Variants in PIK3AP1 observed in about 807,000 individuals in gnomAD.
PIK3AP1 encodes phosphoinositide-3-kinase adaptor protein 1.
In PIK3AP1, 21 loss-of-function variants were observed where a neutral mutation model predicts 88.1. The ratio of observed to expected loss-of-function variants is 0.24; its 90% CI spans 0.17 to 0.34. PIK3AP1 has a LOEUF of 0.34. Among genes scored for constraint, PIK3AP1 ranks in the 10% least tolerant of loss-of-function variants. The pLI is 1.00. For synonymous variants in PIK3AP1, 398 were observed against 400.0 expected (o/e 1.00, Z 0.06); for missense variants, 828 against 1,035.7 (o/e 0.80, Z 2.75).
chr10:96,688,186 C>A (rs1423060921), intron 2 of PIK3AP1, among the ~76,000 whole-genome samples: 1 of 152,126 alleles, frequency 6.6e-6, no homozygotes, highest in Admixed American at 6.5e-5. Context: ...CACTTCAGGG[C>A]CTTTTGCTCC....
intron 1 of PIK3AP1, among the ~76,000 whole-genome samples, chr10:96,717,036 C>T (rs989429199): frequency 6.6e-6 from 1 of 151,932 alleles, no homozygotes; most frequent in Non-Finnish European, 1.5e-5. Context: ...CTAAGGAGGG[C>T]AGATCACTTG....
At chr10:96,688,987 C>A (rs1205329290) in intron 2 of PIK3AP1, among the ~76,000 whole-genome samples, 1 of 152,074 alleles carries the variant, frequency 6.6e-6, no homozygotes, top group Admixed American at 6.5e-5. Flanking sequence ...GGACCATTTC[C>A]ATAGTTTCTC....
intron 2 of PIK3AP1, among the ~76,000 whole-genome samples, chr10:96,687,826 C>T (rs1844095425): frequency 6.6e-6 from 1 of 152,214 alleles, no homozygotes; most frequent in African/African-American, 2.4e-5. Context: ...CACCACTGCT[C>T]TTCCTTCCTC....
At chr10:96,680,422 A>G (rs143886905) in intron 2 of PIK3AP1, among the ~76,000 whole-genome samples, 1 of 152,166 alleles carries the variant, frequency 6.6e-6, no homozygotes, top group African/African-American at 2.4e-5. Flanking sequence ...TAAGCCTAGT[A>G]TCCAATAGTT....
At chr10:96,661,000 C>G (rs1843678505) in intron 2 of PIK3AP1, among the ~76,000 whole-genome samples, 1 of 152,150 alleles carries the variant, frequency 6.6e-6, no homozygotes, top group Non-Finnish European at 1.5e-5. Flanking sequence ...GCCTGGCCAA[C>G]ATGGTGAAAC....
rs184812126 is a variant in PIK3AP1 at position 96,666,343 on chromosome 10, T to C, written c.431-9409A>G. ...CTGAGGCAGGAGAATGGCGTGAACC[T>C]GGGAGGCGGAGCTTGCAGTGAGCCG... On this transcript the variant is annotated intron_variant, in intron 2 of 16. Transcript: ENST00000339364. Among the ~76,000 whole-genome samples the C allele has an allele frequency of 3.2e-3, 492 of 152,056 alleles. 8 individuals carry two copies. The highest frequency in any genetic ancestry group is 0.029 in the Admixed American group (450 of 15,264).
At chr10:96,625,371 T>C (rs1026382454) in intron 10 of PIK3AP1, among the ~76,000 whole-genome samples, 6 of 152,146 alleles carry the variant, frequency 3.9e-5, no homozygotes, top group Non-Finnish European at 7.4e-5. Context: ...TAGAGGGACA[T>C]GGGCAAGAAA....
intron 2 of PIK3AP1, among the ~76,000 whole-genome samples, chr10:96,658,939 A>C (rs1843651143): frequency 6.6e-6 from 1 of 151,692 alleles, no homozygotes; most frequent in Non-Finnish European, 1.5e-5. Context: ...CCCTGCAAAA[A>C]CTAACACAGT....
chr10:96,604,826 C>T (rs1848974023), intron 14 of PIK3AP1, among the ~76,000 whole-genome samples: 1 of 152,276 alleles, frequency 6.6e-6, no homozygotes, highest in Admixed American at 6.5e-5. Flanking sequence ...GACCCTTTGA[C>T]ACAAAACAAA....
chr10:96,661,608 C>A (rs1192840627), intron 2 of PIK3AP1, among the ~76,000 whole-genome samples: 1 of 152,044 alleles, frequency 6.6e-6, no homozygotes, highest in African/African-American at 2.4e-5. Flanking sequence ...CCTAAAACTG[C>A]TCTAAAATAT....
At chr10:96,626,577 C>T (rs1011342635) in intron 10 of PIK3AP1, 131 bp downstream of exon 10, 11 of 973,720 alleles carry the variant, frequency 1.1e-5, no homozygotes, top group Middle Eastern at 3.3e-4. Context: ...GACCCTGTCT[C>T]GTAGGGCTGG....
intron 2 of PIK3AP1, among the ~76,000 whole-genome samples, chr10:96,691,065 C>T (rs769705692): frequency 3.3e-5 from 5 of 152,140 alleles, no homozygotes; most frequent in East Asian, 1.9e-4. Context: ...CAACTGCACC[C>T]GTTCCCTGCC....
chr10:96,719,593 T>C (rs1844545496), intron 1 of PIK3AP1, among the ~76,000 whole-genome samples: 1 of 152,150 alleles, frequency 6.6e-6, no homozygotes, highest in Admixed American at 6.5e-5. Flanking sequence ...GTGCACAGTA[T>C]CCATTGGAGT....
intron 2 of PIK3AP1, among the ~76,000 whole-genome samples, chr10:96,662,205 TGAG>T (rs1345088204): frequency 5.9e-5 from 9 of 152,170 alleles, no homozygotes; most frequent in Non-Finnish European, 1.3e-4. Flanking sequence ...ATAAACAAAA[TGAG>T]GTATGTCCAT....
In PIK3AP1 at chr10:96,673,336, G is replaced by A. The variant is rs188553721; in HGVS notation, c.431-16402C>T. Reference sequence around the variant, plus strand: ...AAGAGCACAGGTAAGCTTCCTTGGCGGGGTTTATCAGGATCCTTAGGGAGC... The same window carrying A: ...AAGAGCACAGGTAAGCTTCCTTGGCAGGGTTTATCAGGATCCTTAGGGAGC... On this transcript the variant is annotated intron_variant, in intron 2 of 16. Transcript: ENST00000339364. 1.2e-4 allele frequency among the ~76,000 whole-genome samples: 19 copies of A among 152,250 alleles called. No individual in the cohort carries two copies. In the East Asian group the frequency reaches 3.5e-3, roughly 28 times the overall value.
chr10:96,671,350 A>C (rs1843843633), intron 2 of PIK3AP1, among the ~76,000 whole-genome samples: 1 of 152,118 alleles, frequency 6.6e-6, no homozygotes, highest in African/African-American at 2.4e-5. Flanking sequence ...CTGCTTTTTC[A>C]TTTTAGTCAT....
At position 96,617,691 on chromosome 10, in the gene PIK3AP1, A is replaced by G. The variant is rs1270235965; in HGVS notation, c.1942-980T>C. Among the ~76,000 whole-genome samples, 11 of 152,322 alleles carry G rather than the reference A, an allele frequency of 7.2e-5. No homozygotes were observed. In the East Asian group the frequency reaches 2.1e-3, roughly 29 times the overall value. On this transcript the variant is annotated intron_variant, in intron 12 of 16. Transcript: ENST00000339364. ...GCAGATGCAAGAGGACAAATGCCGC[A>G]GAGCAGGACCAAGCAGGACACACCG...
rs567441488 is a variant in PIK3AP1, at chr10:96,595,381, C to T, written c.*196G>A. 3.4e-4 allele frequency: 206 copies of T among 598,684 alleles called. 1 individual carries two copies. The East Asian group carries it at 5.9e-3, about 17-fold the overall frequency. The allele number at this position is 598,684 out of a possible 1,614,324, so 37.1% of individuals were successfully genotyped here. ...ATACTTGGTGATGGTGAATGAAGCC[C>T]TTAGTTTTTCACTTCTTCGTGCCTT... On this transcript the variant is annotated 3_prime_UTR_variant, in exon 17 of 17. Coordinates refer to ENST00000339364, the MANE Select transcript of PIK3AP1 (RefSeq NM_152309.3).
rs144553483 is a variant in PIK3AP1, at chr10:96,607,152, G to A, written c.2170+2560C>T. 8.3e-4 allele frequency among the ~76,000 whole-genome samples: 127 copies of A among 152,210 alleles called. 1 individual carries two copies. Among genetic ancestry groups the A allele is most frequent in the African/African-American group, 2.8e-3 (115 of 41,530 alleles). On this transcript the variant is annotated intron_variant, in intron 14 of 16. Coordinates refer to ENST00000339364, the MANE Select transcript of PIK3AP1 (RefSeq NM_152309.3). ...GTGTTTTTTTTAGGGTGTGATTCAG[G>A]GGGTTAAGGGGCAGTTGGTGGATAA...
Sources: allele counts gnomAD v4.1 joint callset (sites outside exome capture counted in the v4.1 genomes callset), GRCh38; gene constraint gnomAD v4.1.1; transcripts MANE v1.5; gene names NCBI Gene and HGNC (gene_info 2026-07-23, HGNC 2026-07-21).